XKR6: variants seen among roughly 807,000 people sequenced by gnomAD.
XKR6 encodes the protein XK-related protein 6.
XKR6 carries 22 observed loss-of-function variants against 56.7 expected under a neutral mutation model. The observed-to-expected ratio is 0.39, with a 90% CI of 0.28 to 0.55. XKR6 has a LOEUF of 0.55. XKR6 is among the 20% of genes least tolerant of loss of function. XKR6 has a pLI of 0.66. For missense variants in XKR6, 852 were observed against 889.0 expected (o/e 0.96, Z 0.53); for synonymous variants, 524 against 387.8 (o/e 1.35, Z -4.13).
intron 2 of XKR6, among the ~76,000 whole-genome samples, chr8:10,901,617 C>A (rs76917382): frequency 0.018 from 2,782 of 152,200 alleles, 65 homozygotes; most frequent in African/African-American, 0.054. Context: ...TAGGTCCTAC[C>A]GACCCATAGT....
intron 1 of XKR6, among the ~76,000 whole-genome samples, chr8:11,176,474 T>C (rs1248997221): frequency 6.6e-6 from 1 of 152,234 alleles, no homozygotes; most frequent in East Asian, 1.9e-4. Flanking sequence ...ATATACTGGT[T>C]AACTGGTGTT....
chr8:11,177,312 CCTTAT>C (rs1802710346), intron 1 of XKR6, among the ~76,000 whole-genome samples: 1 of 152,146 alleles, frequency 6.6e-6, no homozygotes, highest in African/African-American at 2.4e-5. Flanking sequence ...CACAAAATGT[CCTTAT>C]CTTAAGGGTT....
In XKR6 at chr8:11,184,982, T is replaced by C. The variant is rs540639972; in HGVS notation, c.764+15594A>G. Among the ~76,000 whole-genome samples the C allele has an allele frequency of 4.6e-5, 7 of 152,272 alleles. No homozygotes were observed. The South Asian group carries it at 1.2e-3, about 27-fold the overall frequency. The stretch of plus-strand genomic sequence containing the variant: ...TTAGTTACACAGTTGATAAGAAAAA[T>C]CCATTCCCAACCGGGCCACTGTCTG... On this transcript the variant is annotated intron_variant, in intron 1 of 2. Coordinates refer to ENST00000416569, the MANE Select transcript of XKR6 (RefSeq NM_173683.4).
chr8:11,098,361 G>A (rs529251560), intron 1 of XKR6, among the ~76,000 whole-genome samples: 1 of 152,230 alleles, frequency 6.6e-6, no homozygotes, highest in East Asian at 1.9e-4. Flanking sequence ...TCTAAGAGCT[G>A]GTACGTGAGC....
At chr8:11,057,483 C>T (rs550151474) in intron 1 of XKR6, among the ~76,000 whole-genome samples, 79 of 152,204 alleles carry the variant, frequency 5.2e-4, no homozygotes, top group Non-Finnish European at 1.0e-3. Context: ...GTGTTCTGCC[C>T]TTGTCAAGTG....
intron 1 of XKR6, among the ~76,000 whole-genome samples, chr8:11,071,528 T>A (rs1800118204): frequency 6.9e-6 from 1 of 144,466 alleles, no homozygotes; most frequent in Non-Finnish European, 1.5e-5. Flanking sequence ...CCCGAGTCCA[T>A]GAGCCCCGAG....
chr8:11,136,022 A>G (rs1158715257), intron 1 of XKR6, among the ~76,000 whole-genome samples: 1 of 152,216 alleles, frequency 6.6e-6, no homozygotes, highest in African/African-American at 2.4e-5. Flanking sequence ...TATCTATGGA[A>G]TTGAGATATT....
At chr8:11,198,437 C>A (rs1804009257) in intron 1 of XKR6, among the ~76,000 whole-genome samples, 1 of 150,140 alleles carries the variant, frequency 6.7e-6, no homozygotes, top group Non-Finnish European at 1.5e-5. Flanking sequence ...ATATTCTAAT[C>A]TTGAAAAAAG....
chr8:10,969,587 G>A (rs1392194223), intron 1 of XKR6, among the ~76,000 whole-genome samples: 9 of 152,202 alleles, frequency 5.9e-5, no homozygotes, highest in Non-Finnish European at 1.2e-4. Context: ...AAGCCCAAAG[G>A]AAGACCTAAA....
At chr8:10,954,748 G>A (rs777284132) in intron 1 of XKR6, among the ~76,000 whole-genome samples, 8 of 151,764 alleles carry the variant, frequency 5.3e-5, no homozygotes, top group Non-Finnish European at 7.4e-5. Context: ...AAGTCATGAA[G>A]GTTTACGCCT....
intron 1 of XKR6, among the ~76,000 whole-genome samples, chr8:10,953,733 T>C (rs745711272): frequency 3.3e-5 from 5 of 152,144 alleles, no homozygotes; most frequent in Non-Finnish European, 5.9e-5. Flanking sequence ...TTCCACAGAG[T>C]TGTGCAACCA....
intron 2 of XKR6, among the ~76,000 whole-genome samples, chr8:10,907,683 C>T (rs1436781411): frequency 1.3e-5 from 2 of 152,208 alleles, no homozygotes; most frequent in African/African-American, 4.8e-5. Flanking sequence ...CTCTCTCCAT[C>T]CTCAACCACA....
chr8:11,169,535 G>A (rs1802257557), intron 1 of XKR6, among the ~76,000 whole-genome samples: 1 of 152,314 alleles, frequency 6.6e-6, no homozygotes, highest in East Asian at 1.9e-4. Context: ...GCCAGATACA[G>A]AAGGACAAAT....
In XKR6 at chr8:11,178,549, T is replaced by TATATATATATATAC. The variant is rs1554479873; in HGVS notation, c.764+22026_764+22027insGTATATATATATAT. Among the ~76,000 whole-genome samples the TATATATATATATAC allele has an allele frequency of 2.7e-4, 26 of 96,632 alleles. 1 individual carries two copies. The highest frequency in any genetic ancestry group is 2.6e-3 in the African/African-American group (25 of 9,450). The allele number at this position is 96,632 out of a possible 152,430, so 63.4% of individuals were successfully genotyped here. Reference sequence around the variant, plus strand: ...AGTCCAAACATCTGAGAGGTAAAAATATATATATATATATATATATATATG... The same window carrying TATATATATATATAC: ...AGTCCAAACATCTGAGAGGTAAAAATATATATATATATACATATATATATATATATATATATATG... On this transcript the variant is annotated intron_variant, in intron 1 of 2. Transcript: ENST00000416569.
At chr8:11,113,605 T>C (rs1269546840) in intron 1 of XKR6, among the ~76,000 whole-genome samples, 1 of 152,186 alleles carries the variant, frequency 6.6e-6, no homozygotes, top group Non-Finnish European at 1.5e-5. Context: ...CCTTACTTTC[T>C]AGTCTAAAAA....
At chr8:10,985,137 G>A (rs118071249) in intron 1 of XKR6, among the ~76,000 whole-genome samples, 1 of 151,970 alleles carries the variant, frequency 6.6e-6, no homozygotes, top group Non-Finnish European at 1.5e-5. Flanking sequence ...TGGAGAGGGG[G>A]TGATACGGTT....
intron 1 of XKR6, among the ~76,000 whole-genome samples, chr8:11,000,720 A>G (rs1160492058): frequency 6.6e-6 from 1 of 152,074 alleles, no homozygotes; most frequent in African/African-American, 2.4e-5. Context: ...CACATATTAC[A>G]TGTTTTGGGG....
chr8:11,068,746 A>G (rs1365429008), intron 1 of XKR6, among the ~76,000 whole-genome samples: 1 of 152,156 alleles, frequency 6.6e-6, no homozygotes, highest in African/African-American at 2.4e-5. Context: ...CAACCCAGCC[A>G]GCTGGACACT....
intron 1 of XKR6, among the ~76,000 whole-genome samples, chr8:11,148,790 G>T (rs936661031): frequency 3.9e-5 from 6 of 152,186 alleles, no homozygotes; most frequent in African/African-American, 1.2e-4. Flanking sequence ...TCCATTAGCA[G>T]ATGAATGGAC....
Sources: gnomAD v4.1 joint callset for allele counts (sites outside exome capture counted in the v4.1 genomes callset) on GRCh38, gnomAD v4.1.1 for gene constraint, MANE v1.5 for transcripts, NCBI Gene and HGNC (gene_info 2026-07-23, HGNC 2026-07-21) for gene names.